The following MARK1 variants were observed in gnomAD, a reference collection of about 807,000 sequenced individuals.
The protein encoded by MARK1 is serine/threonine-protein kinase MARK1.
In MARK1, 40 loss-of-function variants were observed where a neutral mutation model predicts 96.3. That is an observed-to-expected ratio of 0.42 (90% CI 0.32 to 0.54). The LOEUF is 0.54. Ranked by LOEUF, MARK1 falls within the 20% of genes least tolerant of loss-of-function variation. The pLI, the probability that MARK1 is intolerant of heterozygous loss-of-function variation, is 0.16. For synonymous variants in MARK1, 317 were observed against 341.2 expected (o/e 0.93, Z 0.78); for missense variants, 719 against 984.6 (o/e 0.73, Z 3.61).
intron 1 of MARK1, among the ~76,000 whole-genome samples, chr1:220,578,302 C>A (rs989054413): frequency 2.6e-5 from 4 of 152,212 alleles, no homozygotes; most frequent in African/African-American, 9.7e-5. Flanking sequence ...AGAGCAGGAA[C>A]AATCACAGCT....
intron 1 of MARK1, among the ~76,000 whole-genome samples, chr1:220,545,256 G>A (rs375414708): frequency 2.6e-5 from 4 of 152,246 alleles, no homozygotes; most frequent in African/African-American, 9.6e-5. Flanking sequence ...TAGTGAGAGG[G>A]CCTGGCTTGA....
Position 220,653,093 on chromosome 1 carries a change from C to G in MARK1, c.1737-8C>G. The G allele has an allele frequency of 1.2e-6, 2 of 1,613,218 alleles. No homozygotes were observed. The highest frequency in any genetic ancestry group is 1.7e-6 in the Non-Finnish European group (2 of 1,179,292). On this transcript the variant is annotated splice_polypyrimidine_tract_variant and splice_region_variant and intron_variant, in intron 15 of 17. Transcript: ENST00000366917. The stretch of plus-strand genomic sequence containing the variant: ...TTCTGAATGATATATCTTAATTTGT[C>G]CCAGCAGTACAACCCAGAGAGTGCC...
chr1:220,626,219 A>G, intron 9 of MARK1: 1 of 545,644 alleles, frequency 1.8e-6, no homozygotes. Context: ...GCCATCCTGG[A>G]ACTGCTAACC....
At chr1:220,632,434 G>A in intron 11 of MARK1, 121 bp downstream of exon 11, 1 of 468,672 alleles carries the variant, frequency 2.1e-6, no homozygotes, top group Non-Finnish European at 3.8e-6. Flanking sequence ...TTATTTATTG[G>A]AATTCAAAAA....
chr1:220,617,837 CCT>C (rs898273909), intron 7 of MARK1, among the ~76,000 whole-genome samples: 14 of 152,150 alleles, frequency 9.2e-5, no homozygotes, highest in Non-Finnish European at 1.5e-4. Context: ...AGTCACAGAA[CCT>C]CTGACAGGCA....
intron 13 of MARK1, among the ~76,000 whole-genome samples, chr1:220,647,261 A>C (rs1471941090): frequency 2.0e-4 from 30 of 152,324 alleles, no homozygotes; most frequent in Non-Finnish European, 4.4e-5. Context: ...GACATTTCTC[A>C]AAAGAAGACA....
intron 6 of MARK1, among the ~76,000 whole-genome samples, chr1:220,608,534 GT>G (rs1000648576): frequency 6.6e-6 from 1 of 151,988 alleles, no homozygotes; most frequent in African/African-American, 2.4e-5. Context: ...TTTTTGAAGG[GT>G]TTTTTTATGT....
chr1:220,653,406 C>G lies in MARK1; in HGVS notation c.1988+54C>G. ...ATTCCTCTAGAAATTATAAAGGAAACTAGACTTTTTAAAAAAATCTTTATA... is the reference window on the plus strand; with the variant it reads ...ATTCCTCTAGAAATTATAAAGGAAAGTAGACTTTTTAAAAAAATCTTTATA... On this transcript the variant is annotated intron_variant, in intron 16 of 17. Transcript: ENST00000366917. 6.5e-6 allele frequency: 10 copies of G among 1,529,698 alleles called. No individual in the cohort carries two copies. In the South Asian group the frequency reaches 1.2e-4, roughly 19 times the overall value. 94.8% of individuals were successfully genotyped at this position (1,529,698 alleles called of 1,614,324 possible). A position where few individuals can be genotyped will look rare whatever the true frequency, so the allele number is the denominator to read the frequency against.
intron 1 of MARK1, among the ~76,000 whole-genome samples, chr1:220,547,855 C>T (rs1001661991): frequency 9.9e-5 from 15 of 152,154 alleles, no homozygotes; most frequent in African/African-American, 3.1e-4. Flanking sequence ...CGCGAGCCAC[C>T]GCGCACAACC....
At chr1:220,628,534 G>T (rs896166473) in intron 9 of MARK1, among the ~76,000 whole-genome samples, 1 of 152,076 alleles carries the variant, frequency 6.6e-6, no homozygotes, top group African/African-American at 2.4e-5. Context: ...TCTCCTCTTC[G>T]AACTCTTTCC....
At chr1:220,556,564 A>C (rs934503915) in intron 1 of MARK1, among the ~76,000 whole-genome samples, 6 of 152,018 alleles carry the variant, frequency 3.9e-5, no homozygotes, top group Non-Finnish European at 8.8e-5. Context: ...ACAAATACAA[A>C]AAGTAGTAAT....
chr1:220,639,549 A>T (rs1385429241), intron 13 of MARK1, among the ~76,000 whole-genome samples: 1 of 152,090 alleles, frequency 6.6e-6, no homozygotes, highest in Non-Finnish European at 1.5e-5. Context: ...CATTTATGTT[A>T]TTGGTATACT....
chr1:220,617,062 A>C (rs1041968387), intron 7 of MARK1, among the ~76,000 whole-genome samples: 2 of 152,150 alleles, frequency 1.3e-5, no homozygotes, highest in African/African-American at 4.8e-5. Flanking sequence ...AGACTGAAAA[A>C]AGTCCAGCTT....
chr1:220,549,360 A>G (rs1558251268), intron 1 of MARK1, among the ~76,000 whole-genome samples: 1 of 152,240 alleles, frequency 6.6e-6, no homozygotes, highest in Non-Finnish European at 1.5e-5. Context: ...CCTGACACCT[A>G]GCAGAAGTGC....
intron 13 of MARK1, among the ~76,000 whole-genome samples, chr1:220,647,149 T>C (rs567096022): frequency 6.6e-6 from 1 of 152,290 alleles, no homozygotes; most frequent in East Asian, 1.9e-4. Flanking sequence ...TTTTGCAATC[T>C]ATCCATCTGA....
intron 3 of MARK1, among the ~76,000 whole-genome samples, chr1:220,586,000 C>CAT (rs1412727067): frequency 2.4e-4 from 8 of 32,672 alleles, no homozygotes; most frequent in African/African-American, 3.1e-4. Flanking sequence ...CACACACACA[C>CAT]ACACACACAC....
intron 1 of MARK1, among the ~76,000 whole-genome samples, chr1:220,575,771 T>C (rs990467603): frequency 2.0e-4 from 31 of 151,848 alleles, no homozygotes; most frequent in Admixed American, 9.2e-4. Flanking sequence ...TAAAAAATCA[T>C]TGAGAACAAT....
chr1:220,605,892 A>G (rs1572163482), intron 6 of MARK1, among the ~76,000 whole-genome samples: 1 of 152,106 alleles, frequency 6.6e-6, no homozygotes, highest in East Asian at 1.9e-4. Context: ...TATGTGCCAC[A>G]TTTTCTTAAT....
chr1:220,555,494 A>G (rs1662184292), intron 1 of MARK1, among the ~76,000 whole-genome samples: 2 of 152,092 alleles, frequency 1.3e-5, no homozygotes, highest in African/African-American at 4.8e-5. Context: ...AGGTGTAGAG[A>G]AGTGAATGGA....
Sources: gnomAD v4.1 joint callset for allele counts (sites outside exome capture counted in the v4.1 genomes callset) on GRCh38, gnomAD v4.1.1 for gene constraint, MANE v1.5 for transcripts, NCBI Gene and HGNC (gene_info 2026-07-23, HGNC 2026-07-21) for gene names.